CRHR1: variants seen among roughly 807,000 people sequenced by gnomAD.
CRHR1 encodes the protein corticotropin-releasing hormone receptor 1.
In CRHR1, 28 loss-of-function variants were observed where a neutral mutation model predicts 56.0. That is an observed-to-expected ratio of 0.50 (90% confidence interval 0.37 to 0.69). The LOEUF (loss-of-function observed/expected upper bound fraction) is 0.69. Among genes scored for constraint, CRHR1 ranks in the 30% least tolerant of loss-of-function variants. The pLI, the probability that CRHR1 is intolerant of heterozygous loss-of-function variation, is 0.00. For synonymous variants in CRHR1, 195 were observed against 216.5 expected (o/e 0.90, Z 0.87); for missense variants, 376 against 548.0 (o/e 0.69, Z 3.13).
intron 8 of CRHR1, among the ~76,000 whole-genome samples, chr17:45,832,844 G>A (rs998003853): frequency 2.6e-5 from 4 of 152,248 alleles, no homozygotes; most frequent in East Asian, 1.9e-4. Context: ...ATGCAGCCTC[G>A]TGTTGGGCCC....
intron 1 of CRHR1, among the ~76,000 whole-genome samples, chr17:45,785,379 G>C (rs1265067142): frequency 1.3e-5 from 2 of 152,266 alleles, no homozygotes; most frequent in Non-Finnish European, 2.9e-5. Flanking sequence ...CCGGCCCGCC[G>C]CTCGTGTCAG....
At chr17:45,831,759 G>T (rs2062314950) in intron 8 of CRHR1, among the ~76,000 whole-genome samples, 1 of 152,166 alleles carries the variant, frequency 6.6e-6, no homozygotes, top group Non-Finnish European at 1.5e-5. Context: ...GGAGCCCCAG[G>T]ACCTTCTTTG....
At chr17:45,802,692 CCT>C (rs2061645947) in intron 1 of CRHR1, among the ~76,000 whole-genome samples, 1 of 152,134 alleles carries the variant, frequency 6.6e-6, no homozygotes, top group African/African-American at 2.4e-5. Context: ...CAACACCAGT[CCT>C]CTGTGTTTAG....
intron 1 of CRHR1, among the ~76,000 whole-genome samples, chr17:45,787,292 G>A (rs2061353553): frequency 6.6e-6 from 1 of 152,102 alleles, no homozygotes; most frequent in Admixed American, 6.5e-5. Context: ...GGGAGGGGCA[G>A]GGGCCTGAGC....
intron 7 of CRHR1, 106 bp downstream of exon 7, chr17:45,830,676 G>C: frequency 7.0e-7 from 1 of 1,428,766 alleles, no homozygotes; most frequent in Non-Finnish European, 9.4e-7. Context: ...ATGGAGGTCG[G>C]GTTGGGGCGG....
At chr17:45,790,487 C>T (rs1011695935) in intron 1 of CRHR1, among the ~76,000 whole-genome samples, 2 of 152,218 alleles carry the variant, frequency 1.3e-5, no homozygotes, top group Non-Finnish European at 2.9e-5. Flanking sequence ...TGGCAACTGT[C>T]CACCCAGCAG....
At chr17:45,802,106 C>T in intron 1 of CRHR1, among the ~76,000 whole-genome samples, 1 of 152,086 alleles carries the variant, frequency 6.6e-6, no homozygotes, top group East Asian at 1.9e-4. Flanking sequence ...GGGCTGATCA[C>T]TTGAAGTCAG....
At chr17:45,833,095 G>A in intron 8 of CRHR1, 43 bp from the exon 9 acceptor site, 1 of 1,544,766 alleles carries the variant, frequency 6.5e-7, no homozygotes, top group South Asian at 1.1e-5. Context: ...CATCGAGGTG[G>A]ACGCAGATGA....
intron 4 of CRHR1, 51 bp downstream of exon 4, chr17:45,821,491 C>CTGGATTTGTAGGTGGAGTGGGG: frequency 6.4e-7 from 1 of 1,550,458 alleles, no homozygotes. Context: ...TCCAGGGTCC[C>CTGGATTTGTAGGTGGAGTGGGG]CAGCAGAGTT....
At chr17:45,810,993 G>T (rs1381899871) in intron 2 of CRHR1, among the ~76,000 whole-genome samples, 2 of 152,242 alleles carry the variant, frequency 1.3e-5, no homozygotes, top group East Asian at 3.9e-4. Flanking sequence ...GGACAGCCTG[G>T]GCTGAGTCCC....
chr17:45,784,394 G>A lies in CRHR1; in HGVS notation c.-151G>A, dbSNP rs539583245. The A allele has an allele frequency of 3.6e-4, 191 of 524,820 alleles. No homozygotes were observed. Among genetic ancestry groups the A allele is most frequent in the Non-Finnish European group, 4.4e-4 (152 of 347,126 alleles). 32.5% of individuals were successfully genotyped at this position (524,820 alleles called of 1,614,324 possible). A position where few individuals can be genotyped will look rare whatever the true frequency, so the allele number is the denominator to read the frequency against. On this transcript the variant is annotated 5_prime_UTR_variant, in exon 1 of 13. Transcript: ENST00000314537. This position sits in a 1 kb window ranked among gnomAD's most constrained non-coding sequence, Gnocchi z 4.2. The stretch of plus-strand genomic sequence containing the variant: ...CGGGCCGGGCCGGGCCGCGGGGCCG[G>A]GAAGCGCCGAGCCGGGCATCTCCTC...
Position 45,829,957 on chromosome 17 carries a change from T to C in CRHR1, c.435-137T>C, listed in dbSNP as rs1450895106. The stretch of plus-strand genomic sequence containing the variant: ...TAGGAGAGCCTGGCTGTCACCTCCC[T>C]GTGTGACTTGGCCAGTCAGCCCCAC... On this transcript the variant is annotated intron_variant, in intron 5 of 12. Coordinates refer to ENST00000314537, the MANE Select transcript of CRHR1 (RefSeq NM_004382.5). The C allele has an allele frequency of 2.9e-6, 4 of 1,367,672 alleles. No individual in the cohort carries two copies. The African/African-American group carries it at 4.3e-5, about 15-fold the overall frequency. 84.7% of individuals were successfully genotyped at this position (1,367,672 alleles called of 1,614,324 possible). A position where few individuals can be genotyped will look rare whatever the true frequency, so the allele number is the denominator to read the frequency against.
At chr17:45,821,843 A>G (rs242936) in intron 4 of CRHR1, among the ~76,000 whole-genome samples, 136,382 of 152,292 alleles carry the variant, frequency 0.9, 61,173 homozygotes, top group East Asian at 1. Context: ...GGCTGTATGG[A>G]AACCAGGGAC....
At chr17:45,800,114 GTATGTGTGT>G (rs1296583241) in intron 1 of CRHR1, among the ~76,000 whole-genome samples, 1 of 152,244 alleles carries the variant, frequency 6.6e-6, no homozygotes, top group Non-Finnish European at 1.5e-5. Context: ...CCATCGTCAT[GTATGTGTGT>G]GTCTGTCTGT....
intron 1 of CRHR1, among the ~76,000 whole-genome samples, chr17:45,798,526 G>A (rs1220633717): frequency 8.2e-5 from 9 of 109,750 alleles, no homozygotes; most frequent in Non-Finnish European, 1.4e-4. Context: ...ACTCCGTCTC[G>A]GGAAAAAAAA....
chr17:45,828,005 C>G (rs2062203125), intron 4 of CRHR1: 1 of 152,220 alleles, frequency 6.6e-6, no homozygotes, highest in Non-Finnish European at 1.5e-5. Flanking sequence ...TCAGCCCCAC[C>G]CTAGAGCCTA....
intron 4 of CRHR1, among the ~76,000 whole-genome samples, chr17:45,824,160 G>A (rs535599895): frequency 1.8e-4 from 28 of 152,332 alleles, no homozygotes; most frequent in African/African-American, 6.7e-4. Context: ...TGGCTGGTGG[G>A]GTGGGAGTGG....
Position 45,818,172 on chromosome 17 carries a change from C to T in CRHR1, c.241+1590C>T, listed in dbSNP as rs758979832. Among the ~76,000 whole-genome samples, 27 of 152,214 alleles carry T rather than the reference C, an allele frequency of 1.8e-4. 1 individual carries two copies. The highest frequency in any genetic ancestry group is 3.2e-4 in the Non-Finnish European group (22 of 68,048). ...CCACTCCCCAGCGCCACCGCCCAGCCTCAGGTTTCAGATCTGAGTTGGTCA... is the reference window on the plus strand; with the variant it reads ...CCACTCCCCAGCGCCACCGCCCAGCTTCAGGTTTCAGATCTGAGTTGGTCA... On this transcript the variant is annotated intron_variant, in intron 3 of 12. Transcript: ENST00000314537.
At position 45,830,873 on chromosome 17, in the gene CRHR1, C is replaced by A; in HGVS notation, c.710-7C>A. 1.2e-6 allele frequency: 2 copies of A among 1,613,566 alleles called. No individual in the cohort carries two copies. The highest frequency in any genetic ancestry group is 1.1e-5 in the South Asian group (1 of 91,056). On this transcript the variant is annotated splice_polypyrimidine_tract_variant and splice_region_variant and intron_variant, in intron 7 of 12. Coordinates refer to ENST00000314537, the MANE Select transcript of CRHR1 (RefSeq NM_004382.5). The stretch of plus-strand genomic sequence containing the variant: ...GAGGGCTCTGTGACAGCCCATCTCT[C>A]CCCCAGGTGTGCCCTTCCCCATCAT...
Sources: allele counts gnomAD v4.1 joint callset (sites outside exome capture counted in the v4.1 genomes callset), GRCh38; gene constraint gnomAD v4.1.1; non-coding constraint Gnocchi (gnomAD v3.1); transcripts MANE v1.5; gene names NCBI Gene and HGNC (gene_info 2026-07-23, HGNC 2026-07-21).